Variants in PHKB observed in about 807,000 individuals in gnomAD.
PHKB encodes the protein phosphorylase kinase regulatory subunit beta.
In PHKB, 122 loss-of-function variants were observed where a neutral mutation model predicts 152.1. The ratio of observed to expected loss-of-function variants is 0.80; its 90% CI spans 0.69 to 0.93. The LOEUF (loss-of-function observed/expected upper bound fraction) is 0.93, where lower values mean the gene tolerates loss of function less well. PHKB is among the 40% of genes least tolerant of loss of function. The probability of loss-of-function intolerance (pLI) is 0.00; values close to 1 mark genes in which losing one functional copy is unlikely to be tolerated. For synonymous variants in PHKB, 436 were observed against 464.9 expected (o/e 0.94, Z 0.80); for missense variants, 1,304 against 1,328.4 (o/e 0.98, Z 0.29).
At chr16:47,654,719 A>T (rs568347045) in intron 20 of PHKB, among the ~76,000 whole-genome samples, 1 of 151,286 alleles carries the variant, frequency 6.6e-6, no homozygotes, top group Non-Finnish European at 1.5e-5. Context: ...ACCGAACACC[A>T]CATGTTCTCA....
intron 11 of PHKB, among the ~76,000 whole-genome samples, 153 bp from the exon 12 acceptor site, chr16:47,593,984 A>T (rs1256216726): frequency 6.6e-6 from 1 of 152,192 alleles, no homozygotes; most frequent in Non-Finnish European, 1.5e-5. Context: ...AAAATATCAC[A>T]CAGATTTGCA....
chr16:47,665,118 T>C (rs932304221), intron 25 of PHKB, 143 bp downstream of exon 25: 12 of 673,200 alleles, frequency 1.8e-5, no homozygotes, highest in Admixed American at 1.6e-4. Context: ...TCACTAACTT[T>C]ATTAGTTATT....
intron 7 of PHKB, among the ~76,000 whole-genome samples, chr16:47,575,216 G>A (rs1015658015): frequency 3.3e-5 from 5 of 152,282 alleles, no homozygotes; most frequent in Admixed American, 3.3e-4. Flanking sequence ...TATTGGAAGG[G>A]TTTGGAGAAA....
At position 47,571,557 on chromosome 16, in the gene PHKB, A is replaced by G. The variant is rs530645218; in HGVS notation, c.711-8738A>G. 8.3e-4 allele frequency among the ~76,000 whole-genome samples: 127 copies of G among 152,290 alleles called. 1 individual carries two copies. The highest frequency in any genetic ancestry group is 2.9e-3 in the African/African-American group (121 of 41,556). ...GCAGGAACACTGACATTCCATATCC[A>G]GAGACAGTGGGACTCTATCTCTCAT... On this transcript the variant is annotated intron_variant, in intron 7 of 30. Coordinates refer to ENST00000323584, the MANE Select transcript of PHKB (RefSeq NM_000293.3).
intron 6 of PHKB, among the ~76,000 whole-genome samples, chr16:47,541,749 G>C (rs1230225954): frequency 6.6e-6 from 1 of 152,172 alleles, no homozygotes; most frequent in African/African-American, 2.4e-5. Context: ...GACGACCAGT[G>C]ATGATGAGCA....
intron 6 of PHKB, among the ~76,000 whole-genome samples, chr16:47,533,002 A>G (rs1395783864): frequency 1.3e-5 from 2 of 152,168 alleles, no homozygotes; most frequent in Non-Finnish European, 2.9e-5. Flanking sequence ...GGTTATCCTG[A>G]TAAGTGTTCA....
chr16:47,467,839 T>C (rs1158897246), intron 1 of PHKB, among the ~76,000 whole-genome samples: 1 of 152,208 alleles, frequency 6.6e-6, no homozygotes, highest in Non-Finnish European at 1.5e-5. Flanking sequence ...CTGTTTTATC[T>C]TCAGTCTTTT....
At chr16:47,652,369 C>A (rs920260126) in intron 20 of PHKB, among the ~76,000 whole-genome samples, 6 of 148,032 alleles carry the variant, frequency 4.1e-5, no homozygotes, top group Non-Finnish European at 7.4e-5. Context: ...CTCCTTCCTG[C>A]TCTAGTGGTC....
chr16:47,634,415 G>C (rs1334471182), intron 14 of PHKB, among the ~76,000 whole-genome samples: 1 of 152,228 alleles, frequency 6.6e-6, no homozygotes, highest in African/African-American at 2.4e-5. Flanking sequence ...TCCATGTGTG[G>C]GGAGGTGGCA....
intron 10 of PHKB, among the ~76,000 whole-genome samples, chr16:47,589,990 C>A (rs1972000558): frequency 6.6e-6 from 1 of 152,110 alleles, no homozygotes; most frequent in African/African-American, 2.4e-5. Flanking sequence ...TGGGGTTTCA[C>A]CATGTTGGCC....
At chr16:47,691,763 T>C (rs1054798784) in intron 27 of PHKB, among the ~76,000 whole-genome samples, 3 of 152,112 alleles carry the variant, frequency 2.0e-5, no homozygotes, top group Non-Finnish European at 4.4e-5. Flanking sequence ...CTTTATGGTT[T>C]ATATTCATGA....
rs529887651 is a variant in PHKB, at chr16:47,572,231, G to A, written c.711-8064G>A. ...CAGCATTTGGACTCATGAGGGCAGC[G>A]AAGCTCTCCTTGAGTTTGGATACCA... On this transcript the variant is annotated intron_variant, in intron 7 of 30. Coordinates refer to ENST00000323584, the MANE Select transcript of PHKB (RefSeq NM_000293.3). 4.8e-4 allele frequency among the ~76,000 whole-genome samples: 73 copies of A among 152,290 alleles called. 1 individual carries two copies. Among genetic ancestry groups the A allele is most frequent in the Middle Eastern group, 3.4e-3 (1 of 294 alleles).
chr16:47,538,242 T>A (rs1172469314), intron 6 of PHKB, among the ~76,000 whole-genome samples: 1 of 152,138 alleles, frequency 6.6e-6, no homozygotes, highest in East Asian at 1.9e-4. Context: ...GTATTTTCTG[T>A]TGTGTTATAA....
At chr16:47,462,678 G>C (rs897369406) in intron 1 of PHKB, 3 of 147,668 alleles carry the variant, frequency 2.0e-5, no homozygotes, top group African/African-American at 5.0e-5. Flanking sequence ...TTCTCCTTAC[G>C]TTTTGGGCTT....
At chr16:47,536,330 C>T (rs1366305394) in intron 6 of PHKB, among the ~76,000 whole-genome samples, 1 of 152,126 alleles carries the variant, frequency 6.6e-6, no homozygotes, top group African/African-American at 2.4e-5. Flanking sequence ...GGATTACAGG[C>T]GTGAGCCACC....
chr16:47,502,609 A>G (rs1970341654), intron 3 of PHKB, among the ~76,000 whole-genome samples: 1 of 152,234 alleles, frequency 6.6e-6, no homozygotes, highest in Non-Finnish European at 1.5e-5. Context: ...CGGCCATTGC[A>G]TAACCTACAG....
chr16:47,698,179 G>C (rs1974183831), intron 29 of PHKB, among the ~76,000 whole-genome samples: 1 of 152,140 alleles, frequency 6.6e-6, no homozygotes, highest in South Asian at 2.1e-4. Context: ...GTACATGATG[G>C]GTTAGGAAAG....
chr16:47,693,318 C>T, intron 27 of PHKB, 60 bp from the exon 28 acceptor site: 3 of 1,583,608 alleles, frequency 1.9e-6, no homozygotes, highest in South Asian at 1.1e-5. Context: ...TATTGAAAGC[C>T]CTGCTGTCTA....
chr16:47,546,920 G>A (rs942402202), intron 6 of PHKB, among the ~76,000 whole-genome samples: 1 of 152,148 alleles, frequency 6.6e-6, no homozygotes, highest in South Asian at 2.1e-4. Context: ...CAAGGTGCAG[G>A]ATATAATCTC....
Sources: gnomAD v4.1 joint callset for allele counts (sites outside exome capture counted in the v4.1 genomes callset) on GRCh38, gnomAD v4.1.1 for gene constraint, MANE v1.5 for transcripts, NCBI Gene and HGNC (gene_info 2026-07-23, HGNC 2026-07-21) for gene names.